The following TLE6 variants were observed in gnomAD, a reference collection of about 807,000 sequenced individuals.
TLE6 encodes transducin-like enhancer protein 6.
A neutral mutation model predicts 77.1 loss-of-function variants in TLE6; 72 were observed. That is an observed-to-expected ratio of 0.93 (90% CI 0.77 to 1.14). The LOEUF (loss-of-function observed/expected upper bound fraction) is 1.14. TLE6 is among the 50% of genes most tolerant of loss of function. The probability of loss-of-function intolerance (pLI) is 0.00; values close to 1 mark genes in which losing one functional copy is unlikely to be tolerated. For missense variants in TLE6, 843 were observed against 747.6 expected (o/e 1.13, Z -1.49); for synonymous variants, 366 against 287.3 (o/e 1.27, Z -2.77).
chr19:2,988,039 G>T, intron 10 of TLE6, 52 bp from the exon 11 acceptor site: 2 of 1,570,200 alleles, frequency 1.3e-6, no homozygotes, highest in Non-Finnish European at 1.7e-6. Context: ...AGAGGAGGTG[G>T]GCACAGATGT....
intron 1 of TLE6, 135 bp from the exon 2 acceptor site, chr19:2,978,063 C>T: frequency 1.6e-6 from 1 of 641,510 alleles, no homozygotes; most frequent in South Asian, 1.9e-5. Context: ...CTAGGGAACG[C>T]ATGGGAGAAC....
chr19:2,979,515 G>A (rs2088751797), intron 2 of TLE6, among the ~76,000 whole-genome samples: 4 of 151,932 alleles, frequency 2.6e-5, no homozygotes, highest in Admixed American at 2.0e-4. Context: ...CCAAAGTGCT[G>A]GGATTACAGG....
intron 5 of TLE6, among the ~76,000 whole-genome samples, chr19:2,982,646 G>C (rs1346813994): frequency 6.6e-6 from 1 of 151,962 alleles, no homozygotes; most frequent in Non-Finnish European, 1.5e-5. Flanking sequence ...TTGACCCCAA[G>C]GGAGGTGGGA....
chr19:2,989,353 G>C, intron 12 of TLE6, 40 bp downstream of exon 12: 1 of 1,605,350 alleles, frequency 6.2e-7, no homozygotes, highest in Non-Finnish European at 8.5e-7. Flanking sequence ...AGGGCTTCTG[G>C]GAACAGGGGG....
At chr19:2,987,579 C>G in intron 8 of TLE6, 145 bp from the exon 9 acceptor site, 1 of 1,124,878 alleles carries the variant, frequency 8.9e-7, no homozygotes, top group South Asian at 1.3e-5. Context: ...ACCCTATACC[C>G]TGACTCTCTC....
At position 2,987,039 on chromosome 19, in the gene TLE6, C is replaced by G; in HGVS notation, c.342C>G (p.Thr114=). Residue 114 remains threonine (T), a synonymous_variant, in exon 7 of 17, where the codon ACC becomes ACG. Coordinates refer to ENST00000246112, the MANE Select transcript of TLE6 (RefSeq NM_001143986.2). Reference sequence around the variant, plus strand: ...CGCCCCAGCAGGTGAAGGACAAGACCCTGCAGGAGTCGAGCTTTGAGGACA... The same window carrying G: ...CGCCCCAGCAGGTGAAGGACAAGACGCTGCAGGAGTCGAGCTTTGAGGACA... The part of the protein sequence containing the change: ...PGTPQQVKDK[T]LQESSFEDIM... 5 of 1,614,052 alleles carry G rather than the reference C, an allele frequency of 3.1e-6. No homozygotes were observed. The highest frequency in any genetic ancestry group is 4.2e-6 in the Non-Finnish European group (5 of 1,179,954).
At chr19:2,986,163 A>AGCACTTTG (rs1418062820) in intron 5 of TLE6, among the ~76,000 whole-genome samples, 5 of 145,300 alleles carry the variant, frequency 3.4e-5, no homozygotes, top group East Asian at 2.2e-4. Flanking sequence ...CTGTTATCCC[A>AGCACTTTG]GCACTTTGGG....
chr19:2,983,626 G>GAA, intron 5 of TLE6, among the ~76,000 whole-genome samples: 2 of 85,850 alleles, frequency 2.3e-5, no homozygotes, highest in African/African-American at 1.5e-4. Flanking sequence ...GAGAGGAGGA[G>GAA]GGGGGGAGGG....
chr19:2,979,840 T>C (rs1228397719), intron 2 of TLE6, among the ~76,000 whole-genome samples: 2 of 150,678 alleles, frequency 1.3e-5, no homozygotes, highest in Non-Finnish European at 3.0e-5. Flanking sequence ...CGCGGGCGCA[T>C]GTAATCCCAG....
At chr19:2,991,055 C>CAA (rs1227567812) in intron 13 of TLE6, among the ~76,000 whole-genome samples, 11 of 148,394 alleles carry the variant, frequency 7.4e-5, no homozygotes, top group African/African-American at 2.6e-4. Flanking sequence ...TATGTATACA[C>CAA]ACACACATAT....
At chr19:2,989,039 C>T in intron 11 of TLE6, 22 bp from the exon 12 acceptor site, 1 of 1,609,450 alleles carries the variant, frequency 6.2e-7, no homozygotes, top group Middle Eastern at 1.7e-4. Context: ...AGGTCAGTTA[C>T]CCCAAGGCCT....
chr19:2,993,412 C>T lies in TLE6; in HGVS notation c.1387-20C>T. On this transcript the variant is annotated intron_variant, in intron 14 of 16. Transcript: ENST00000246112. ...CTGGGACCTAACCAGGTTCCTCCCT[C>T]CCCACTGCCCATTACCTAGATAATG... 6.3e-7 allele frequency: 1 copy of T among 1,585,956 alleles called. No homozygotes were observed. The highest frequency in any genetic ancestry group is 1.1e-5 in the South Asian group (1 of 89,786).
In TLE6 at chr19:2,986,929, C is replaced by CTT. The variant is rs1271135830; in HGVS notation, c.285+39_285+40dup. The stretch of plus-strand genomic sequence containing the variant: ...GTCTTCAAGGAGGGGAGGGGACAGG[C>CTT]TTGGGTGAAGGCTCATCCTCAAAGC... On this transcript the variant is annotated intron_variant, in intron 6 of 16. Transcript: ENST00000246112. 1.9e-6 allele frequency: 3 copies of CTT among 1,553,800 alleles called. No homozygotes were observed. In the African/African-American group the frequency reaches 4.1e-5, roughly 21 times the overall value.
Position 2,989,543 on chromosome 19 carries a change from G to C in TLE6, c.1002G>C (p.Gly334=). ...GACTCTGCCCATCCCAGACCCCTGG[G>C]GCCTTCCTGCGCACCTGCCTGCTGT... ...PESHLPIQTP[G]AFLRTCLLSS... Residue 334 remains glycine (G), a synonymous_variant, in exon 13 of 17, where the codon GGG becomes GGC. Coordinates refer to ENST00000246112, the MANE Select transcript of TLE6 (RefSeq NM_001143986.2). 1 of 1,611,914 alleles carries C rather than the reference G, an allele frequency of 6.2e-7. No homozygotes were observed. The highest frequency in any genetic ancestry group is 8.5e-7 in the Non-Finnish European group (1 of 1,179,622).
Position 2,989,559 on chromosome 19 carries a change from T to A in TLE6, c.1018T>A (p.Cys340Ser). ...GACCCCTGGGGCCTTCCTGCGCACCTGCCTGCTGTCCTCAAACAGCAGGAG... is the reference window on the plus strand; with the variant it reads ...GACCCCTGGGGCCTTCCTGCGCACCAGCCTGCTGTCCTCAAACAGCAGGAG... ...IQTPGAFLRTCLLSSNSRSLL... is the reference protein window; with the variant it reads ...IQTPGAFLRTSLLSSNSRSLL... Residue 340 changes from cysteine to serine, a missense_variant, in exon 13 of 17, where the codon TGC becomes AGC. By Grantham distance (112) the Cys-to-Ser change is moderately radical (BLOSUM62 -1). Coordinates refer to ENST00000246112, the MANE Select transcript of TLE6 (RefSeq NM_001143986.2). 6.2e-7 allele frequency: 1 copy of A among 1,612,970 alleles called. No individual in the cohort carries two copies. Among genetic ancestry groups the A allele is most frequent in the Non-Finnish European group, 8.5e-7 (1 of 1,179,844 alleles).
intron 3 of TLE6, 40 bp from the exon 4 acceptor site, chr19:2,981,498 G>A: frequency 6.5e-7 from 1 of 1,550,216 alleles, no homozygotes; most frequent in Non-Finnish European, 8.7e-7. Context: ...AGGGAGTCCT[G>A]AAGCCACAGG....
intron 5 of TLE6, chr19:2,984,397 C>T (rs1297586588): frequency 6.6e-6 from 1 of 152,056 alleles, no homozygotes; most frequent in Non-Finnish European, 1.5e-5. Context: ...CCTCCCTCCG[C>T]CGTCCTGCTA....
chr19:2,981,562 G>T lies in TLE6; in HGVS notation c.159G>T (p.Glu53Asp). The T allele has an allele frequency of 6.4e-7, 1 of 1,551,616 alleles. No individual in the cohort carries two copies. The highest frequency in any genetic ancestry group is 1.2e-5 in the South Asian group (1 of 84,054). ...GGTTTTCTCCTCATTTTGCTGCGGA[G>T]TTGGAGAGCATTTACTACTCGGTGA... ...FPRFSPHFAA[E>D]LESIYYSLHK... is the part of the protein sequence containing the mutation. Residue 53 changes from glutamate (E) to aspartate (D), a missense_variant, in exon 4 of 17, where the codon GAG becomes GAT. Glu to Asp is a conservative substitution (Grantham distance 45, BLOSUM62 2). Transcript: ENST00000246112.
chr19:2,988,458 C>T (rs780422321), intron 11 of TLE6, among the ~76,000 whole-genome samples: 28 of 152,148 alleles, frequency 1.8e-4, no homozygotes, highest in South Asian at 8.3e-4. Context: ...ATTAGCCAGG[C>T]GTGGTGGTGG....
Sources: gnomAD v4.1 joint callset for allele counts (sites outside exome capture counted in the v4.1 genomes callset) on GRCh38, gnomAD v4.1.1 for gene constraint, MANE v1.5 for transcripts, NCBI Gene and HGNC (gene_info 2026-07-23, HGNC 2026-07-21) for gene names.